The following IQCM variants were observed in gnomAD, a reference collection of about 807,000 sequenced individuals.
IQCM encodes IQ domain-containing protein M.
In IQCM, 45 loss-of-function variants were observed where a neutral mutation model predicts 57.6. The ratio of observed to expected loss-of-function variants is 0.78; its 90% CI spans 0.62 to 1.00. IQCM has a LOEUF of 1.00. IQCM is among the 50% of genes least tolerant of loss of function. The pLI, the probability that IQCM is intolerant of heterozygous loss-of-function variation, is 0.00. For synonymous variants in IQCM, 148 were observed against 158.9 expected (o/e 0.93, Z 0.51); for missense variants, 468 against 511.6 (o/e 0.91, Z 0.82).
chr4:149,445,057 C>T (rs988557697), intron 12 of IQCM, among the ~76,000 whole-genome samples: 4 of 152,000 alleles, frequency 2.6e-5, no homozygotes, highest in East Asian at 3.9e-4. Flanking sequence ...ATCATAGTTA[C>T]AATATTCATT....
chr4:149,548,207 T>TC (rs1034549287), intron 12 of IQCM, among the ~76,000 whole-genome samples: 3 of 152,126 alleles, frequency 2.0e-5, no homozygotes, highest in African/African-American at 7.2e-5. Context: ...GAAAACCACC[T>TC]CTTCCATCTT....
chr4:149,542,309 T>C (rs1747929694), intron 12 of IQCM, among the ~76,000 whole-genome samples: 1 of 152,064 alleles, frequency 6.6e-6, no homozygotes, highest in Admixed American at 6.6e-5. Flanking sequence ...ACACAATCAT[T>C]TACAGAAAAA....
chr4:149,412,120 T>TGCTC (rs1733432153), intron 13 of IQCM, among the ~76,000 whole-genome samples: 1 of 151,464 alleles, frequency 6.6e-6, no homozygotes, highest in South Asian at 2.1e-4. Flanking sequence ...TTCCCACACT[T>TGCTC]GCTCACCTTG....
intron 12 of IQCM, among the ~76,000 whole-genome samples, chr4:149,435,434 T>C (rs971628273): frequency 6.6e-6 from 1 of 152,116 alleles, no homozygotes; most frequent in Non-Finnish European, 1.5e-5. Context: ...ATAATGTTAC[T>C]GCACTGCCAG....
chr4:149,661,074 T>C (rs1265992846), intron 7 of IQCM, among the ~76,000 whole-genome samples: 1 of 151,918 alleles, frequency 6.6e-6, no homozygotes, highest in African/African-American at 2.4e-5. Flanking sequence ...AGAGGAACAG[T>C]TTGGTGTTAG....
chr4:149,616,726 T>C (rs1009872389), intron 8 of IQCM, among the ~76,000 whole-genome samples: 19 of 152,130 alleles, frequency 1.2e-4, no homozygotes, highest in African/African-American at 3.6e-4. Context: ...ACAGGGCATG[T>C]TGGGCGGCAG....
chr4:149,747,139 C>T (rs1314654989), intron 2 of IQCM, among the ~76,000 whole-genome samples: 2 of 152,016 alleles, frequency 1.3e-5, no homozygotes, highest in East Asian at 3.9e-4. Context: ...ACCAAATCAT[C>T]AGATCTGCTA....
chr4:149,797,298 T>C (rs1348438427), intron 2 of IQCM, among the ~76,000 whole-genome samples: 1 of 152,074 alleles, frequency 6.6e-6, no homozygotes, highest in African/African-American at 2.4e-5. Flanking sequence ...ACCAGAGTTC[T>C]TTAGTAGCAG....
chr4:149,418,816 T>C (rs1048343076), intron 13 of IQCM, among the ~76,000 whole-genome samples: 4 of 152,112 alleles, frequency 2.6e-5, no homozygotes, highest in Non-Finnish European at 5.9e-5. Flanking sequence ...AAGATGAATG[T>C]GCAAAAGTCA....
intron 12 of IQCM, among the ~76,000 whole-genome samples, chr4:149,451,881 G>GA (rs1437673041): frequency 2.0e-5 from 3 of 151,712 alleles, no homozygotes; most frequent in Non-Finnish European, 4.4e-5. Context: ...CATAAGGCCA[G>GA]AAAAAGTGAT....
At chr4:149,698,589 C>T (rs193299428) in intron 5 of IQCM, among the ~76,000 whole-genome samples, 8 of 152,030 alleles carry the variant, frequency 5.3e-5, no homozygotes, top group East Asian at 1.9e-4. Context: ...ACTACAAAAA[C>T]GTAACTATTT....
At chr4:149,395,359 GT>G (rs1231380363) in intron 13 of IQCM, among the ~76,000 whole-genome samples, 1 of 152,000 alleles carries the variant, frequency 6.6e-6, no homozygotes, top group Non-Finnish European at 1.5e-5. Flanking sequence ...AGTAATAACT[GT>G]TTCTATTACA....
chr4:149,695,367 C>T (rs543819013), intron 5 of IQCM, among the ~76,000 whole-genome samples: 25 of 152,188 alleles, frequency 1.6e-4, no homozygotes, highest in South Asian at 6.2e-4. Flanking sequence ...CCAAATACAG[C>T]GCTATGAAAC....
At chr4:149,721,011 G>A (rs967997303) in intron 5 of IQCM, among the ~76,000 whole-genome samples, 2 of 152,114 alleles carry the variant, frequency 1.3e-5, no homozygotes, top group African/African-American at 4.8e-5. Flanking sequence ...TTGTAGGAAT[G>A]AGTAAAAACA....
chr4:149,756,003 T>C (rs560909238), intron 2 of IQCM, among the ~76,000 whole-genome samples: 1 of 152,306 alleles, frequency 6.6e-6, no homozygotes, highest in South Asian at 2.1e-4. Flanking sequence ...CTGGGTCTTT[T>C]AATAATTGTT....
chr4:149,713,889 G>C (rs887442000), intron 5 of IQCM, among the ~76,000 whole-genome samples: 4 of 151,848 alleles, frequency 2.6e-5, no homozygotes, highest in African/African-American at 9.7e-5. Flanking sequence ...GTTTCTATCA[G>C]TATAAAAATA....
intron 8 of IQCM, among the ~76,000 whole-genome samples, chr4:149,612,540 A>T (rs1755391128): frequency 6.6e-6 from 1 of 152,116 alleles, no homozygotes; most frequent in Non-Finnish European, 1.5e-5. Context: ...ATCACAAAGA[A>T]ATGAAATGAC....
At chr4:149,545,299 A>C (rs1157715926) in intron 12 of IQCM, among the ~76,000 whole-genome samples, 1 of 152,218 alleles carries the variant, frequency 6.6e-6, no homozygotes, top group Non-Finnish European at 1.5e-5. Flanking sequence ...AAATATTTGC[A>C]AACCATATGT....
At chr4:149,490,929 G>A (rs916062441) in intron 12 of IQCM, among the ~76,000 whole-genome samples, 2 of 152,108 alleles carry the variant, frequency 1.3e-5, no homozygotes, top group African/African-American at 4.8e-5. Flanking sequence ...GGAAACAGAA[G>A]GGAAACAGAT....
Sources: allele counts gnomAD v4.1 joint callset (sites outside exome capture counted in the v4.1 genomes callset), GRCh38; gene constraint gnomAD v4.1.1; transcripts MANE v1.5; gene names NCBI Gene and HGNC (gene_info 2026-07-23, HGNC 2026-07-21).